Variants in KIAA1217 observed in about 807,000 individuals in gnomAD.
KIAA1217 encodes KIAA1217, also known as sickle tail protein homolog.
In KIAA1217, 88 loss-of-function variants were observed where a neutral mutation model predicts 163.9. The ratio of observed to expected loss-of-function variants is 0.54; its 90% CI spans 0.45 to 0.64. The LOEUF (loss-of-function observed/expected upper bound fraction) is 0.64. Among genes scored for constraint, KIAA1217 ranks in the 30% least tolerant of loss-of-function variants. The pLI, the probability that KIAA1217 is intolerant of heterozygous loss-of-function variation, is 0.00. For missense variants in KIAA1217, 2,372 were observed against 2,475.0 expected, an observed-to-expected ratio of 0.96 and a Z score of 0.88; for synonymous variants, 903 against 923.1, an observed-to-expected ratio of 0.98 and a Z score of 0.39.
intron 2 of KIAA1217, among the ~76,000 whole-genome samples, chr10:24,203,390 C>T (rs1046963807): frequency 2.6e-5 from 4 of 151,908 alleles, no homozygotes; most frequent in Admixed American, 6.6e-5. Context: ...ACCCTGGAGA[C>T]GAGAAAGATG....
chr10:24,380,911 C>A lies in KIAA1217; in HGVS notation c.397C>A (p.Leu133Met). 1 of 1,600,818 alleles carries A rather than the reference C, an allele frequency of 6.2e-7. No homozygotes were observed. The highest frequency in any genetic ancestry group is 1.1e-5 in the South Asian group (1 of 89,182). Reference protein sequence around the residue: ...KLSHSPQPPSLGDPVEHLSET... With the variant: ...KLSHSPQPPSMGDPVEHLSET... ...GTCTCACAGTCCTCAACCACCCAGT[C>A]TGGGTGACCCGGTCGAGCATTTATC... The change falls in exon 3 of 21, where the codon CTG (leucine) becomes ATG (methionine). Residue 133 changes from leucine to methionine, a missense_variant. Coordinates refer to ENST00000376454, the MANE Select transcript of KIAA1217 (RefSeq NM_019590.5).
intron 3 of KIAA1217, among the ~76,000 whole-genome samples, chr10:24,420,412 G>A (rs1392039238): frequency 6.6e-6 from 1 of 151,716 alleles, no homozygotes; most frequent in African/African-American, 2.4e-5. Context: ...TATTCTGAAT[G>A]CAAATCCTTG....
chr10:24,286,785 G>A (rs1590619418), intron 2 of KIAA1217, among the ~76,000 whole-genome samples: 2 of 152,090 alleles, frequency 1.3e-5, no homozygotes, highest in Non-Finnish European at 2.9e-5. Context: ...ATTCTGTTCC[G>A]TAGTTTCTCA....
intron 2 of KIAA1217, among the ~76,000 whole-genome samples, chr10:24,377,229 G>T (rs570901718): frequency 6.6e-6 from 1 of 152,264 alleles, no homozygotes; most frequent in South Asian, 2.1e-4. Context: ...CGGGTTTGGG[G>T]TTGCCTAATG....
At chr10:24,498,592 G>A (rs1323942824) in intron 8 of KIAA1217, among the ~76,000 whole-genome samples, 1 of 152,156 alleles carries the variant, frequency 6.6e-6, no homozygotes, top group African/African-American at 2.4e-5. Context: ...GCCGAGGCAG[G>A]AGGATCGCTT....
chr10:24,169,991 T>C (rs1478603063), intron 2 of KIAA1217, among the ~76,000 whole-genome samples: 2 of 152,202 alleles, frequency 1.3e-5, no homozygotes, highest in Non-Finnish European at 2.9e-5. Context: ...AAACAGGCTA[T>C]ATCTGATAGC....
chr10:23,976,715 A>G (rs1845557026), intron 1 of KIAA1217, among the ~76,000 whole-genome samples: 1 of 152,204 alleles, frequency 6.6e-6, no homozygotes, highest in Non-Finnish European at 1.5e-5. Context: ...GTCTTCAAAG[A>G]CATTCTGTAT....
At chr10:24,320,557 C>T (rs1029927577) in intron 2 of KIAA1217, among the ~76,000 whole-genome samples, 1 of 152,354 alleles carries the variant, frequency 6.6e-6, no homozygotes, top group African/African-American at 2.4e-5. Context: ...GGGCAGTGTT[C>T]ATAGCACCAC....
intron 1 of KIAA1217, among the ~76,000 whole-genome samples, chr10:24,001,574 G>T (rs1846745299): frequency 6.6e-6 from 1 of 152,212 alleles, no homozygotes; most frequent in Non-Finnish European, 1.5e-5. Context: ...TAAATGGCAT[G>T]TGTGTATTTT....
intron 2 of KIAA1217, among the ~76,000 whole-genome samples, chr10:24,232,337 A>G (rs531078275): frequency 1.3e-5 from 2 of 152,220 alleles, no homozygotes; most frequent in African/African-American, 4.8e-5. Flanking sequence ...TCCATGTTTA[A>G]TTGGGTGCCA....
chr10:23,869,103 A>C (rs1255851571), intron 1 of KIAA1217, among the ~76,000 whole-genome samples: 3 of 146,104 alleles, frequency 2.1e-5, no homozygotes, highest in Non-Finnish European at 4.4e-5. Context: ...TTTGCAGTGT[A>C]ACGTGCAATC....
At chr10:23,855,652 T>A (rs1839616847) in intron 1 of KIAA1217, among the ~76,000 whole-genome samples, 1 of 152,238 alleles carries the variant, frequency 6.6e-6, no homozygotes, top group South Asian at 2.1e-4. Flanking sequence ...GGTACACCAA[T>A]CAGACGTAGA....
intron 1 of KIAA1217, among the ~76,000 whole-genome samples, chr10:23,955,425 AT>A (rs1447817355): frequency 6.6e-6 from 1 of 152,226 alleles, no homozygotes. Context: ...ACCATGGAGC[AT>A]TGACCCAGCT....
At chr10:23,766,953 C>T (rs1003957149) in intron 1 of KIAA1217, among the ~76,000 whole-genome samples, 4 of 152,164 alleles carry the variant, frequency 2.6e-5, no homozygotes, top group African/African-American at 2.4e-5. Context: ...ATTCCATCTA[C>T]CACCTGTCCT....
At chr10:23,714,429 G>T (rs941804673) in intron 1 of KIAA1217, among the ~76,000 whole-genome samples, 1 of 152,052 alleles carries the variant, frequency 6.6e-6, no homozygotes, top group African/African-American at 2.4e-5. Context: ...TTTCTGCAGA[G>T]GGTAGCTTCC....
chr10:24,053,400 C>T (rs1266881203), intron 2 of KIAA1217, among the ~76,000 whole-genome samples: 1 of 152,018 alleles, frequency 6.6e-6, no homozygotes. Context: ...TGTCTGACAG[C>T]TTATCATATG....
chr10:24,305,963 C>T (rs2041963214), intron 2 of KIAA1217, among the ~76,000 whole-genome samples: 1 of 151,874 alleles, frequency 6.6e-6, no homozygotes, highest in Non-Finnish European at 1.5e-5. Flanking sequence ...ACAAGGGAAA[C>T]CATGCTGGGA....
chr10:23,715,942 C>A (rs566682474), intron 1 of KIAA1217, among the ~76,000 whole-genome samples: 20 of 152,074 alleles, frequency 1.3e-4, no homozygotes, highest in African/African-American at 4.6e-4. Context: ...CACATTGCAC[C>A]AATTTGCAAG....
rs531060851 is a variant in KIAA1217, at chr10:23,892,378, A to C, written c.-320-114847A>C. 7.9e-5 allele frequency among the ~76,000 whole-genome samples: 12 copies of C among 152,058 alleles called. No individual in the cohort carries two copies. In the South Asian group the frequency reaches 2.5e-3, roughly 32 times the overall value. On this transcript the variant is annotated intron_variant, in intron 1 of 18. Coordinates refer to the KIAA1217 transcript ENST00000376462. ...GTTTCTTTAAACTTAGGGAAATAAAATTATCAGTACAGTAAACTGGAAGGC... is the reference window on the plus strand; with the variant it reads ...GTTTCTTTAAACTTAGGGAAATAAACTTATCAGTACAGTAAACTGGAAGGC...
Sources: gnomAD v4.1 joint callset for allele counts (sites outside exome capture counted in the v4.1 genomes callset) on GRCh38, gnomAD v4.1.1 for gene constraint, MANE v1.5 for transcripts, NCBI Gene and HGNC (gene_info 2026-07-23, HGNC 2026-07-21) for gene names.